The following PSMC1 variants were observed in gnomAD, a reference collection of about 807,000 sequenced individuals.
The protein encoded by PSMC1 is 26S proteasome regulatory subunit 4.
In PSMC1, 5 loss-of-function variants were observed where a neutral mutation model predicts 49.8. The ratio of observed to expected loss-of-function variants is 0.10; its 90% CI spans 0.05 to 0.21. The LOEUF (loss-of-function observed/expected upper bound fraction) is 0.21. PSMC1 is among the 10% of genes least tolerant of loss of function. PSMC1 has a pLI of 1.00. For missense variants in PSMC1, 181 were observed against 535.7 expected, an observed-to-expected ratio of 0.34 and a Z score of 6.54; for synonymous variants, 155 against 192.1, an observed-to-expected ratio of 0.81 and a Z score of 1.60.
chr14:90,264,969 T>C (rs1891476100), intron 6 of PSMC1, 101 bp from the exon 7 acceptor site: 1 of 863,394 alleles, frequency 1.2e-6, no homozygotes, highest in Admixed American at 2.3e-5. Context: ...GTAATTGAGA[T>C]TTTTACTTAT....
rs1397111037 is a variant in PSMC1 at position 90,274,892 on chromosome 14, A to AT, written c.*2489dup. The AT allele has an allele frequency of 6.6e-6, 1 of 151,916 alleles. No homozygotes were observed. The highest frequency in any genetic ancestry group is 2.4e-5 in the African/African-American group (1 of 41,350). The allele number at this position is 151,916 out of a possible 1,614,324, so 9.4% of individuals were successfully genotyped here. A position where few individuals can be genotyped will look rare whatever the true frequency, so the allele number is the denominator to read the frequency against. ...TTTGCTGAGGAAGGGGTATTTACAG[A>AT]TTTTGAGAGTCTGCCACAAAACACT... On this transcript the variant is annotated 3_prime_UTR_variant, in exon 11 of 11. Transcript: ENST00000261303.
intron 1 of PSMC1, 28 bp downstream of exon 1, chr14:90,256,628 G>C (rs754656219): frequency 1.3e-6 from 2 of 1,582,936 alleles, no homozygotes; most frequent in South Asian, 2.3e-5. Context: ...TCTTTCCGCT[G>C]GTCGTCGCGG....
intron 7 of PSMC1, among the ~76,000 whole-genome samples, chr14:90,267,186 A>G (rs2139648864): frequency 2.0e-5 from 3 of 150,790 alleles, no homozygotes; most frequent in Middle Eastern, 6.8e-3. Flanking sequence ...CTGGAGTGCA[A>G]TGGCGCGATC....
chr14:90,272,476 G>T lies in PSMC1; in HGVS notation c.*69G>T, dbSNP rs1891695405. The T allele has an allele frequency of 6.2e-6, 7 of 1,131,624 alleles. No homozygotes were observed. Among genetic ancestry groups the T allele is most frequent in the East Asian group, 2.6e-5 (1 of 38,394 alleles). 70.1% of individuals were successfully genotyped at this position (1,131,624 alleles called of 1,614,324 possible). A position where few individuals can be genotyped will look rare whatever the true frequency, so the allele number is the denominator to read the frequency against. On this transcript the variant is annotated 3_prime_UTR_variant, in exon 11 of 11. Transcript: ENST00000261303. This position sits in a 1 kb window ranked among gnomAD's most constrained non-coding sequence, Gnocchi z 4.5. ...ATCCCTGAAAGGGATGAGGTTGGGG[G>T]AGTTGCCCAGAGGAATCCCTGTTCC...
At chr14:90,260,710 C>T (rs1407840291) in intron 3 of PSMC1, among the ~76,000 whole-genome samples, 3 of 151,774 alleles carry the variant, frequency 2.0e-5, no homozygotes, top group South Asian at 2.1e-4. Flanking sequence ...CCAGCCTGGG[C>T]GACAGAGCGA....
Position 90,274,069 on chromosome 14 carries a change from A to ACTC in PSMC1, c.*1663_*1665dup, listed in dbSNP as rs1388854964. 6.5e-6 allele frequency: 1 copy of ACTC among 154,770 alleles called. No individual in the cohort carries two copies. Among genetic ancestry groups the ACTC allele is most frequent in the Admixed American group, 6.5e-5 (1 of 15,268 alleles). 9.6% of individuals were successfully genotyped at this position (154,770 alleles called of 1,614,324 possible). Reference sequence around the variant, plus strand: ...GGGTGTGGCCATCTTTAGGGGCGCCACTCTGCCTACCACAGAGGACATCCA... The same window carrying ACTC: ...GGGTGTGGCCATCTTTAGGGGCGCCACTCCTCTGCCTACCACAGAGGACATCCA... On this transcript the variant is annotated 3_prime_UTR_variant, in exon 11 of 11. Coordinates refer to ENST00000261303, the MANE Select transcript of PSMC1 (RefSeq NM_002802.3).
chr14:90,269,744 T>C (rs1209794412), intron 9 of PSMC1, 196 bp downstream of exon 9: 6 of 495,972 alleles, frequency 1.2e-5, no homozygotes, highest in South Asian at 8.9e-5. Flanking sequence ...CCTTGGCCCT[T>C]TGAATTCCAG....
In PSMC1 at chr14:90,270,343, T is replaced by C. The variant is rs1738664118; in HGVS notation, c.1179T>C (p.Ala393=). ...LIMAKDDLSG[A]DIKAICTEAG... is the part of the protein sequence containing the mutation. ...TGGCTAAAGATGACCTCTCTGGTGC[T>C]GACATCAAGGTGAGAGCCTAGCCGT... The change falls in exon 10 of 11, where the codon GCT becomes GCC. Residue 393 remains alanine, a synonymous_variant. Coordinates refer to ENST00000261303, the MANE Select transcript of PSMC1 (RefSeq NM_002802.3). The C allele has an allele frequency of 1.2e-6, 2 of 1,612,788 alleles. No individual in the cohort carries two copies. The highest frequency in any genetic ancestry group is 1.7e-5 in the Admixed American group (1 of 59,890).
Position 90,268,383 on chromosome 14 carries a change from T to C in PSMC1, c.851T>C (p.Ile284Thr), listed in dbSNP as rs373464261. ...GAACATGCACCGTCCATCGTGTTTA[T>C]TGATGAAATTGACGCCATTGGGACA... Reference protein sequence around the residue: ...AEEHAPSIVFIDEIDAIGTKR... With the variant: ...AEEHAPSIVFTDEIDAIGTKR... The change falls in exon 8 of 11, where the codon ATT (isoleucine) becomes ACT (threonine). Residue 284 changes from isoleucine to threonine, a missense_variant. Physicochemically the swap from Ile to Thr is moderately conservative, Grantham distance 89. Transcript: ENST00000261303. The C allele has an allele frequency of 1.4e-5, 23 of 1,612,758 alleles. No homozygotes were observed. Among genetic ancestry groups the C allele is most frequent in the African/African-American group, 2.7e-5 (2 of 74,848 alleles).
In PSMC1 at chr14:90,274,336, C is replaced by CCGTGTGGGGTGTA. The variant is rs1891744711; in HGVS notation, c.*1929_*1930insCGTGTGGGGTGTA. 6.4e-6 allele frequency: 1 copy of CCGTGTGGGGTGTA among 155,728 alleles called. No individual in the cohort carries two copies. Among genetic ancestry groups the CCGTGTGGGGTGTA allele is most frequent in the African/African-American group, 2.4e-5 (1 of 41,418 alleles). The allele number at this position is 155,728 out of a possible 1,614,324, so 9.6% of individuals were successfully genotyped here. A position where few individuals can be genotyped will look rare whatever the true frequency, so the allele number is the denominator to read the frequency against. On this transcript the variant is annotated 3_prime_UTR_variant, in exon 11 of 11. Coordinates refer to ENST00000261303, the MANE Select transcript of PSMC1 (RefSeq NM_002802.3). ...GAGCCCAAGTGGGTGAGGAAGGCAT[C>CCGTGTGGGGTGTA]TGCAGGGACGGGGTGGTGGCAGGGG...
intron 4 of PSMC1, 66 bp from the exon 5 acceptor site, chr14:90,263,596 C>A: frequency 6.5e-7 from 1 of 1,548,948 alleles, no homozygotes; most frequent in Non-Finnish European, 8.8e-7. Flanking sequence ...GTAAATCTAG[C>A]GAACTATCAG....
intron 7 of PSMC1, chr14:90,267,912 T>C (rs1365208168): frequency 3.8e-6 from 1 of 264,196 alleles, no homozygotes; most frequent in Non-Finnish European, 7.2e-6. Context: ...TTCGTACAGG[T>C]AATTATAGTT....
intron 6 of PSMC1, 88 bp downstream of exon 6, chr14:90,264,257 CT>C: frequency 6.5e-7 from 1 of 1,545,600 alleles, no homozygotes. Context: ...TGTATGTTTG[CT>C]TATTTATTAA....
rs1222334867 is a variant in PSMC1 at position 90,272,680 on chromosome 14, TG to T, written c.*275del. On this transcript the variant is annotated 3_prime_UTR_variant, in exon 11 of 11. Transcript: ENST00000261303. This position sits in a 1 kb window ranked among gnomAD's most constrained non-coding sequence, Gnocchi z 4.5. ...CTACCGCTCAACAGCAGCCTGTGGG[TG>T]GACCCAGCTACAGGGAAGCCTTTGG... 1 of 287,840 alleles carries T rather than the reference TG, an allele frequency of 3.5e-6. No homozygotes were observed. Among genetic ancestry groups the T allele is most frequent in the African/African-American group, 2.2e-5 (1 of 44,610 alleles). 17.8% of individuals were successfully genotyped at this position (287,840 alleles called of 1,614,324 possible).
Position 90,274,838 on chromosome 14 carries a change from A to ACCCCCCCCC in PSMC1, c.*2435_*2436insCCCCCCCCC, listed in dbSNP as rs1206866308. On this transcript the variant is annotated 3_prime_UTR_variant, in exon 11 of 11. Transcript: ENST00000261303. Reference sequence around the variant, plus strand: ...CACACACACACACACACACACACACACCCCAATACATATGAATTGATCTGA... The same window carrying ACCCCCCCCC: ...CACACACACACACACACACACACACACCCCCCCCCCCCCAATACATATGAATTGATCTGA... 1.5e-5 allele frequency: 1 copy of ACCCCCCCCC among 67,218 alleles called. No homozygotes were observed. The highest frequency in any genetic ancestry group is 3.2e-5 in the Non-Finnish European group (1 of 31,318). The allele number at this position is 67,218 out of a possible 1,614,324, so 4.2% of individuals were successfully genotyped here.
In PSMC1 at chr14:90,272,015, C is replaced by G; in HGVS notation, c.1189-258C>G. 3.4e-6 allele frequency: 1 copy of G among 290,862 alleles called. No individual in the cohort carries two copies. 18.0% of individuals were successfully genotyped at this position (290,862 alleles called of 1,614,324 possible). A position where few individuals can be genotyped will look rare whatever the true frequency, so the allele number is the denominator to read the frequency against. On this transcript the variant is annotated intron_variant, in intron 10 of 10. Coordinates refer to ENST00000261303, the MANE Select transcript of PSMC1 (RefSeq NM_002802.3). This position sits in a 1 kb window ranked among gnomAD's most constrained non-coding sequence, Gnocchi z 4.5. The stretch of plus-strand genomic sequence containing the variant: ...TCAAGCAATTCTCCTGCCTCAGCCT[C>G]CCGAGTAGCTAGGATTACAGGTGCC...
At chr14:90,258,749 C>T (rs531058682) in intron 1 of PSMC1, among the ~76,000 whole-genome samples, 34 of 152,276 alleles carry the variant, frequency 2.2e-4, no homozygotes, top group East Asian at 3.9e-4. Flanking sequence ...TGTAAAATGA[C>T]GTAGCTTTCA....
intron 1 of PSMC1, among the ~76,000 whole-genome samples, chr14:90,257,743 C>T (rs1891323090): frequency 6.6e-6 from 1 of 152,218 alleles, no homozygotes. Flanking sequence ...TAGGCGCCCG[C>T]CACTACGCCC....
chr14:90,264,404 T>C (rs992168256), intron 6 of PSMC1, among the ~76,000 whole-genome samples: 1 of 152,222 alleles, frequency 6.6e-6, no homozygotes, highest in Non-Finnish European at 1.5e-5. Flanking sequence ...TTTAGTGTAA[T>C]GTTGAATGCA....
Sources: allele counts gnomAD v4.1 joint callset (sites outside exome capture counted in the v4.1 genomes callset), GRCh38; gene constraint gnomAD v4.1.1; non-coding constraint Gnocchi (gnomAD v3.1); transcripts MANE v1.5; gene names NCBI Gene and HGNC (gene_info 2026-07-23, HGNC 2026-07-21).